The following DCHS1 variants were observed in gnomAD, a reference collection of about 807,000 sequenced individuals.
The protein encoded by DCHS1 is dachsous cadherin-related 1, also known as protocadherin-16.
In DCHS1, 78 loss-of-function variants were observed where a neutral mutation model predicts 213.9. The observed-to-expected ratio is 0.36, with a 90% CI of 0.30 to 0.44. DCHS1 has a LOEUF of 0.44. Ranked by LOEUF, DCHS1 falls within the 20% of genes least tolerant of loss-of-function variation. The probability of loss-of-function intolerance (pLI) is 1.00; values close to 1 mark genes in which losing one functional copy is unlikely to be tolerated. For synonymous variants in DCHS1, 1,828 were observed against 1,873.7 expected (o/e 0.98, Z 0.63); for missense variants, 3,946 against 4,395.9 (o/e 0.90, Z 2.89).
intron 1 of DCHS1, among the ~76,000 whole-genome samples, chr11:6,655,054 A>G (rs12288043): frequency 0.2 from 30,947 of 150,998 alleles, 3,554 homozygotes; most frequent in East Asian, 0.43. Context: ...ACTTCTCCCC[A>G]CTCAGTTTCT....
At chr11:6,652,584 G>T (rs75760738) in intron 1 of DCHS1, among the ~76,000 whole-genome samples, 1,935 of 152,296 alleles carry the variant, frequency 0.013, 44 homozygotes, top group African/African-American at 0.045. Flanking sequence ...TCAGTTGAGT[G>T]AGGTCCCTGT....
chr11:6,640,292 C>G lies in DCHS1; in HGVS notation c.1322G>C (p.Arg441Thr), dbSNP rs1282926637. The G allele has an allele frequency of 1.9e-6, 3 of 1,607,972 alleles. No individual in the cohort carries two copies. Among genetic ancestry groups the G allele is most frequent in the South Asian group, 2.2e-5 (2 of 90,064 alleles). Residue 441 changes from arginine (R) to threonine (T), a missense_variant, in exon 2 of 21, where the codon AGG (arginine) becomes ACG (threonine). Arg to Thr is a moderately conservative substitution (Grantham distance 71, BLOSUM62 -1). Around this residue, in one of 3 missense-constraint regions of DCHS1, gnomAD observed 3,384 missense variants for 3,780.1 expected, o/e 0.90. Transcript: ENST00000299441. This position sits in a 1 kb window ranked among gnomAD's most constrained non-coding sequence, Gnocchi z 6.5. Reference sequence around the variant, plus strand: ...TGAGCCTGAGTCTGTGGCTGTAACCCTCAAGTTATAGGCATCCCTCTCCTC... The same window carrying G: ...TGAGCCTGAGTCTGTGGCTGTAACCGTCAAGTTATAGGCATCCCTCTCCTC... ...DREERDAYNL[R>T]VTATDSGSPP...
Position 6,654,844 on chromosome 11 carries a change from C to T in DCHS1, c.-121+719G>A, listed in dbSNP as rs1292626057. 2.0e-5 allele frequency among the ~76,000 whole-genome samples: 3 copies of T among 152,120 alleles called. No homozygotes were observed. In the East Asian group the frequency reaches 5.8e-4, roughly 29 times the overall value. ...AGCCCGCCACACTGAGTTCATTGTG[C>T]TTCTAGACCTCCCTCTCCCCACCCC... On this transcript the variant is annotated intron_variant, in intron 1 of 20. Transcript: ENST00000299441.
At chr11:6,638,113 G>A (rs966223010) in intron 2 of DCHS1, among the ~76,000 whole-genome samples, 4 of 152,170 alleles carry the variant, frequency 2.6e-5, no homozygotes, top group Non-Finnish European at 5.9e-5. Flanking sequence ...AGTGGGTGGT[G>A]GAGCTGCACA....
In DCHS1 at chr11:6,634,003, C is replaced by G. The variant is rs759616413; in HGVS notation, c.2004G>C (p.Met668Ile). Reference sequence around the variant, plus strand: ...CTGACAGAAACACCTTCACATATACCATGGACTTGAGGCCTCCCTGGTGGG... The same window carrying G: ...CTGACAGAAACACCTTCACATATACGATGGACTTGAGGCCTCCCTGGTGGG... ...TAVDGGGLKS[M>I]VYVKVFLSDE... Residue 668 changes from methionine to isoleucine, a missense_variant, in exon 4 of 21, where the codon ATG (methionine) becomes ATC (isoleucine). By Grantham distance (10) the Met-to-Ile change is conservative. This residue lies in a region of DCHS1 where 3,384 missense variants were observed against 3,780.1 expected (regional missense o/e 0.90). Transcript: ENST00000299441. 1.1e-5 allele frequency: 18 copies of G among 1,613,788 alleles called. No individual in the cohort carries two copies. In the South Asian group the frequency reaches 1.5e-4, roughly 14 times the overall value.
intron 2 of DCHS1, among the ~76,000 whole-genome samples, chr11:6,639,194 C>G (rs781085969): frequency 3.9e-5 from 6 of 152,142 alleles, no homozygotes; most frequent in Non-Finnish European, 5.9e-5. Flanking sequence ...CTTCTGCAAC[C>G]TGGCCTCAGA....
chr11:6,631,489 G>A (rs1855907097), intron 7 of DCHS1, 82 bp from the exon 8 acceptor site: 2 of 1,599,754 alleles, frequency 1.3e-6, no homozygotes, highest in Admixed American at 3.3e-5. Context: ...CCTGTGGGCA[G>A]GCAGAACCTC....
Position 6,640,063 on chromosome 11 carries a change from G to T in DCHS1, c.1551C>A (p.His517Gln). 1 of 1,614,040 alleles carries T rather than the reference G, an allele frequency of 6.2e-7. No individual in the cohort carries two copies. Among genetic ancestry groups the T allele is most frequent in the Non-Finnish European group, 8.5e-7 (1 of 1,179,888 alleles). ...TGGGGTCAATGGAGAACCAGTGGGT[G>T]TGGGCGCCAGGGGCTAGGCTATAAG... The part of the protein sequence containing the change: ...QVTYSLAPGA[H>Q]THWFSIDPTS... The change falls in exon 2 of 21, where the codon CAC becomes CAA. Residue 517 changes from histidine (H) to glutamine (Q), a missense_variant. Transcript: ENST00000299441. This position sits in a 1 kb window ranked among gnomAD's most constrained non-coding sequence, Gnocchi z 6.5.
In DCHS1 at chr11:6,629,658, C is replaced by T; in HGVS notation, c.5035+14G>A. The stretch of plus-strand genomic sequence containing the variant: ...CAGTCCATCCCACTCATAATTCACC[C>T]CCCCAGGTCTTACCCACGTCGGGGT... On this transcript the variant is annotated intron_variant, in intron 11 of 20. Transcript: ENST00000299441. 1.2e-6 allele frequency: 2 copies of T among 1,612,830 alleles called. No homozygotes were observed. The highest frequency in any genetic ancestry group is 1.7e-6 in the Non-Finnish European group (2 of 1,179,346).
rs968566735 is a variant in DCHS1 at position 6,629,984 on chromosome 11, A to G, written c.4795+15T>C. 4 of 1,582,616 alleles carry G rather than the reference A, an allele frequency of 2.5e-6. No individual in the cohort carries two copies. The highest frequency in any genetic ancestry group is 3.4e-6 in the Non-Finnish European group (4 of 1,160,872). The stretch of plus-strand genomic sequence containing the variant: ...CAGCACCTTCCTCGCCCTCACTCCC[A>G]GACCTAACTCTCACCAGTGCTTGAG... On this transcript the variant is annotated intron_variant, in intron 10 of 20. Transcript: ENST00000299441.
At position 6,640,309 on chromosome 11, in the gene DCHS1, C is replaced by T. The variant is rs781337820; in HGVS notation, c.1305G>A (p.Arg435=). ...CVARRLDREE[R]DAYNLRVTAT... ...CTGTAACCCTCAAGTTATAGGCATC[C>T]CTCTCCTCTCGATCCAGCCGCCGAG... is the stretch of plus-strand genomic sequence containing the variant. The change falls in exon 2 of 21, where the codon AGG becomes AGA. Residue 435 remains arginine (R), a synonymous_variant. Transcript: ENST00000299441. The surrounding 1 kb of genome is among the most constrained non-coding windows in gnomAD (Gnocchi z 6.5). 2.5e-6 allele frequency: 4 copies of T among 1,607,542 alleles called. No individual in the cohort carries two copies. The highest frequency in any genetic ancestry group is 1.7e-4 in the Middle Eastern group (1 of 6,058).
In DCHS1 at chr11:6,624,052, C is replaced by T; in HGVS notation, c.7624G>A (p.Glu2542Lys). The T allele has an allele frequency of 6.8e-6, 11 of 1,613,410 alleles. No individual in the cohort carries two copies. Among genetic ancestry groups the T allele is most frequent in the Non-Finnish European group, 9.3e-6 (11 of 1,179,788 alleles). ...GCCCGGGGGCCTGGTCCAGCACTCTCCCCAGCCTCAGCCAGCCTGGGTTCC... is the reference window on the plus strand; with the variant it reads ...GCCCGGGGGCCTGGTCCAGCACTCTTCCCAGCCTCAGCCAGCCTGGGTTCC... ...QLEPRLAEAGESAGPGPRALG... is the reference protein window; with the variant it reads ...QLEPRLAEAGKSAGPGPRALG... Residue 2542 changes from glutamate to lysine, a missense_variant, in exon 21 of 21, where the codon GAG becomes AAG. This residue lies in a region of DCHS1 where 3,384 missense variants were observed against 3,780.1 expected (regional missense o/e 0.90). Coordinates refer to ENST00000299441, the MANE Select transcript of DCHS1 (RefSeq NM_003737.4).
In DCHS1 at chr11:6,634,320, G is replaced by T; in HGVS notation, c.1798-14C>A. 6.4e-7 allele frequency: 1 copy of T among 1,567,248 alleles called. No homozygotes were observed. Reference sequence around the variant, plus strand: ...TGTGGCTGTCACCTAGGGAGAGGCTGGGGTGAGTGGTGTCCCCTCTTCTTT... The same window carrying T: ...TGTGGCTGTCACCTAGGGAGAGGCTTGGGTGAGTGGTGTCCCCTCTTCTTT... On this transcript the variant is annotated splice_polypyrimidine_tract_variant and intron_variant, in intron 2 of 20. Transcript: ENST00000299441.
At position 6,641,782 on chromosome 11, in the gene DCHS1, G is replaced by T; in HGVS notation, c.-120-49C>A. The T allele has an allele frequency of 7.1e-7, 1 of 1,404,458 alleles. No homozygotes were observed. Among genetic ancestry groups the T allele is most frequent in the Non-Finnish European group, 9.3e-7 (1 of 1,073,602 alleles). The allele number at this position is 1,404,458 out of a possible 1,614,324, so 87.0% of individuals were successfully genotyped here. ...GGTCATGACAGAGGAGGGATCAGCA[G>T]TCCAGATAACCTGGACGAGGCCACA... On this transcript the variant is annotated intron_variant, in intron 1 of 20. Coordinates refer to ENST00000299441, the MANE Select transcript of DCHS1 (RefSeq NM_003737.4). The surrounding 1 kb of genome is among the most constrained non-coding windows in gnomAD (Gnocchi z 7.1).
In DCHS1 at chr11:6,629,481, C is replaced by T. The variant is rs1466443387; in HGVS notation, c.5132G>A (p.Arg1711Gln). ...CAGGTTGATCTCCTCCTGTTCCTCTCGATCCAGGGCCCGAAGAGTCGTGAG... is the reference window on the plus strand; with the variant it reads ...CAGGTTGATCTCCTCCTGTTCCTCTTGATCCAGGGCCCGAAGAGTCGTGAG... ...GVLTTLRALD[R>Q]EEQEEINLTV... The change falls in exon 12 of 21, where the codon CGA (arginine) becomes CAA (glutamine). Residue 1711 changes from arginine (R) to glutamine (Q), a missense_variant. By Grantham distance (43) the Arg-to-Gln change is conservative. Coordinates refer to ENST00000299441, the MANE Select transcript of DCHS1 (RefSeq NM_003737.4). The T allele has an allele frequency of 4.3e-6, 7 of 1,612,978 alleles. No homozygotes were observed. The South Asian group carries it at 5.5e-5, about 13-fold the overall frequency.
chr11:6,623,865 C>T lies in DCHS1; in HGVS notation c.7811G>A (p.Arg2604Gln), dbSNP rs763453802. 75 of 1,610,678 alleles carry T rather than the reference C, an allele frequency of 4.7e-5. No individual in the cohort carries two copies. Among genetic ancestry groups the T allele is most frequent in the Non-Finnish European group, 5.5e-5 (65 of 1,177,486 alleles). ...AGGTACTGTCACACGGTAGGATGCT[C>T]GGGTAAAGACAGGTGGGTTGTCATT... Reference protein sequence around the residue: ...DVNDNPPVFTRASYRVTVPED... With the variant: ...DVNDNPPVFTQASYRVTVPED... The change falls in exon 21 of 21, where the codon CGA (arginine) becomes CAA (glutamine). Residue 2604 changes from arginine (R) to glutamine (Q), a missense_variant. Transcript: ENST00000299441.
In DCHS1 at chr11:6,626,617, C is replaced by A; in HGVS notation, c.6299G>T (p.Gly2100Val). ...ACTGAGAATGCTGTAGGTGATGGGT[C>A]CATTTGTGCCTCCTGCATGGACGGC... ...PRAVHAGGTN[G>V]PITYSILSGN... The change falls in exon 15 of 21, where the codon GGA becomes GTA. Residue 2100 changes from glycine to valine, a missense_variant. By Grantham distance (109) the Gly-to-Val change is moderately radical. This residue lies in a region of DCHS1 where 3,384 missense variants were observed against 3,780.1 expected (regional missense o/e 0.90). Coordinates refer to ENST00000299441, the MANE Select transcript of DCHS1 (RefSeq NM_003737.4). This position sits in a 1 kb window ranked among gnomAD's most constrained non-coding sequence, Gnocchi z 5.2. 1 of 1,613,986 alleles carries A rather than the reference C, an allele frequency of 6.2e-7. No homozygotes were observed. Among genetic ancestry groups the A allele is most frequent in the South Asian group, 1.1e-5 (1 of 91,080 alleles).
In DCHS1 at chr11:6,641,336, G is replaced by C. The variant is rs369328867; in HGVS notation, c.278C>G (p.Ala93Gly). ...QEGSGVGTDL[A>G]IDEHSGVVRT... ...GACGACCCCACTGTGTTCGTCAATG[G>C]CCAGGTCTGTGCCCACGCCGCTGCC... is the stretch of plus-strand genomic sequence containing the variant. Residue 93 changes from alanine (A) to glycine (G), a missense_variant, in exon 2 of 21, where the codon GCC becomes GGC. Transcript: ENST00000299441. This position sits in a 1 kb window ranked among gnomAD's most constrained non-coding sequence, Gnocchi z 7.1. 1.9e-5 allele frequency: 30 copies of C among 1,613,508 alleles called. No homozygotes were observed. The highest frequency in any genetic ancestry group is 6.7e-5 in the Admixed American group (4 of 60,008).
In DCHS1 at chr11:6,628,637, C is replaced by A. The variant is rs778342560; in HGVS notation, c.5355G>T (p.Leu1785Phe). The change falls in exon 13 of 21, where the codon TTG (leucine) becomes TTT (phenylalanine). Residue 1785 changes from leucine (L) to phenylalanine (F), a missense_variant. Coordinates refer to ENST00000299441, the MANE Select transcript of DCHS1 (RefSeq NM_003737.4). This position sits in a 1 kb window ranked among gnomAD's most constrained non-coding sequence, Gnocchi z 4.3. ...SDPDVGANGQ[L>F]QYRILDGDPS... is the part of the protein sequence containing the mutation. ...GGTTCTCACCTAGGATGCGGTACTG[C>A]AACTGCCCATTGGCTCCCACATCTG... 5.6e-6 allele frequency: 9 copies of A among 1,613,920 alleles called. No individual in the cohort carries two copies.
Sources: allele counts gnomAD v4.1 joint callset (sites outside exome capture counted in the v4.1 genomes callset), GRCh38; gene constraint gnomAD v4.1.1; regional missense constraint gnomAD v4.1.1; non-coding constraint Gnocchi (gnomAD v3.1); transcripts MANE v1.5; gene names NCBI Gene and HGNC (gene_info 2026-07-23, HGNC 2026-07-21).